NOL4: variants seen among roughly 807,000 people sequenced by gnomAD.
NOL4 encodes the protein nucleolar protein 4.
A neutral mutation model predicts 75.9 loss-of-function variants in NOL4; 17 were observed. The ratio of observed to expected loss-of-function variants is 0.22; its 90% CI spans 0.15 to 0.34. The LOEUF is 0.34. Ranked by LOEUF, NOL4 falls within the 10% of genes least tolerant of loss-of-function variation. The pLI is 1.00. For missense variants in NOL4, 614 were observed against 793.5 expected (o/e 0.77, Z 2.72); for synonymous variants, 292 against 289.9 (o/e 1.01, Z -0.07).
chr18:33,984,015 T>C (rs770960866), intron 6 of NOL4, among the ~76,000 whole-genome samples: 2 of 152,144 alleles, frequency 1.3e-5, no homozygotes, highest in Non-Finnish European at 2.9e-5. Flanking sequence ...AAAGAAATCA[T>C]TTGGGTTTCA....
intron 6 of NOL4, among the ~76,000 whole-genome samples, chr18:33,977,070 T>C (rs1407590406): frequency 6.6e-6 from 1 of 152,148 alleles, no homozygotes; most frequent in East Asian, 1.9e-4. Context: ...TTAATAATAA[T>C]AATATATACA....
At chr18:34,025,445 C>T (rs1382741791) in intron 5 of NOL4, among the ~76,000 whole-genome samples, 2 of 152,152 alleles carry the variant, frequency 1.3e-5, no homozygotes, top group African/African-American at 4.8e-5. Flanking sequence ...GTGCTGAAGT[C>T]ACTATCAGTT....
At chr18:34,211,546 C>T (rs1368433312) in intron 1 of NOL4, among the ~76,000 whole-genome samples, 2 of 152,202 alleles carry the variant, frequency 1.3e-5, no homozygotes, top group African/African-American at 4.8e-5. Flanking sequence ...ACCCTTCAGC[C>T]ATCTGGCAAC....
chr18:34,162,326 T>C (rs549411799), intron 1 of NOL4, among the ~76,000 whole-genome samples: 7 of 151,920 alleles, frequency 4.6e-5, no homozygotes, highest in African/African-American at 1.7e-4. Flanking sequence ...ATCAACAAAA[T>C]TGATAGACCG....
At chr18:33,972,855 G>A (rs914763631) in intron 6 of NOL4, among the ~76,000 whole-genome samples, 1 of 152,214 alleles carries the variant, frequency 6.6e-6, no homozygotes, top group East Asian at 1.9e-4. Flanking sequence ...GGACCCTTCA[G>A]TAAGTCATAA....
chr18:33,943,116 A>G lies in NOL4; in HGVS notation c.1491T>C (p.Cys497=). Reference sequence around the variant, plus strand: ...TGGCGGCATTTCTACTCTCACTCTCACAAGCTGAAGCCAAGATACTCTCTG... The same window carrying G: ...TGGCGGCATTTCTACTCTCACTCTCGCAAGCTGAAGCCAAGATACTCTCTG... ...AVAESILASA[C]ESESRNAAKR... Residue 497 remains cysteine (C), a synonymous_variant, in exon 9 of 11, where the codon TGT becomes TGC. Transcript: ENST00000261592. 1 of 1,611,446 alleles carries G rather than the reference A, an allele frequency of 6.2e-7. No homozygotes were observed. The highest frequency in any genetic ancestry group is 8.5e-7 in the Non-Finnish European group (1 of 1,178,602).
At chr18:34,119,994 A>C (rs552814500) in intron 2 of NOL4, among the ~76,000 whole-genome samples, 1 of 152,368 alleles carries the variant, frequency 6.6e-6, no homozygotes, top group South Asian at 2.1e-4. Flanking sequence ...CTAGATAAAC[A>C]TACAATATTG....
chr18:34,019,571 T>C lies in NOL4; in HGVS notation c.803A>G (p.Asn268Ser), dbSNP rs766202551. ...DDSAAESFNG[N>S]ETLGHSSIAS... ...AATTGAACTGTGCCCCAGAGTCTCA[T>C]TGCCATTAAAGCTCTCTGCAGCAGA... The change falls in exon 6 of 11, where the codon AAT (asparagine) becomes AGT (serine). Residue 268 changes from asparagine (N) to serine (S), a missense_variant. By Grantham distance (46) the Asn-to-Ser change is conservative. This residue lies in a region of NOL4 where 135 missense variants were observed against 220.4 expected (regional missense o/e 0.61). Transcript: ENST00000261592. 3.7e-6 allele frequency: 6 copies of C among 1,613,888 alleles called. No homozygotes were observed. Among genetic ancestry groups the C allele is most frequent in the African/African-American group, 1.3e-5 (1 of 75,028 alleles).
At chr18:34,103,924 A>T in intron 4 of NOL4, 123 bp downstream of exon 4, 1 of 642,834 alleles carries the variant, frequency 1.6e-6, no homozygotes, top group Non-Finnish European at 2.8e-6. Flanking sequence ...AACTGTGGTG[A>T]GATTCATTCA....
chr18:33,917,695 G>A (rs1017927782), intron 9 of NOL4, among the ~76,000 whole-genome samples: 1 of 151,782 alleles, frequency 6.6e-6, no homozygotes, highest in Non-Finnish European at 1.5e-5. Context: ...GTAGAGATGA[G>A]GTCTCGCTAT....
chr18:34,077,224 T>A (rs2077786874), intron 5 of NOL4, among the ~76,000 whole-genome samples: 1 of 151,936 alleles, frequency 6.6e-6, no homozygotes, highest in South Asian at 2.1e-4. Flanking sequence ...GGAAGGATCA[T>A]CTGAACCCCA....
chr18:34,179,776 T>C (rs565278066), intron 1 of NOL4, among the ~76,000 whole-genome samples: 1 of 151,754 alleles, frequency 6.6e-6, no homozygotes, highest in East Asian at 1.9e-4. Flanking sequence ...GAAGATACTC[T>C]CTGTGCACCA....
At chr18:34,046,607 C>CATATATATAGATATATATAT (rs2076378022) in intron 5 of NOL4, among the ~76,000 whole-genome samples, 1 of 81,658 alleles carries the variant, frequency 1.2e-5, no homozygotes, top group Non-Finnish European at 2.4e-5. Flanking sequence ...TTTACTTATA[C>CATATATATAGATATATATAT]ATATATATAT....
At chr18:34,009,648 C>T (rs535134937) in intron 6 of NOL4, among the ~76,000 whole-genome samples, 100 of 151,962 alleles carry the variant, frequency 6.6e-4, no homozygotes, top group Non-Finnish European at 1.3e-3. Flanking sequence ...AGTCACAGAG[C>T]TGATAAGTGT....
At chr18:34,063,802 A>C (rs980858620) in intron 5 of NOL4, among the ~76,000 whole-genome samples, 2 of 152,016 alleles carry the variant, frequency 1.3e-5, no homozygotes, top group Non-Finnish European at 2.9e-5. Context: ...ATAATTAATA[A>C]ATATATAAAC....
At chr18:33,915,753 A>T (rs1275767693) in intron 9 of NOL4, among the ~76,000 whole-genome samples, 2 of 152,176 alleles carry the variant, frequency 1.3e-5, no homozygotes, top group Non-Finnish European at 2.9e-5. Context: ...AACAACAGAA[A>T]TAAAGAAATT....
intron 6 of NOL4, among the ~76,000 whole-genome samples, chr18:33,958,756 G>T (rs2069861154): frequency 6.6e-6 from 1 of 152,074 alleles, no homozygotes; most frequent in South Asian, 2.1e-4. Flanking sequence ...AATCGATTTT[G>T]CAAGGGAATC....
intron 1 of NOL4, among the ~76,000 whole-genome samples, chr18:34,179,922 T>G (rs2146323008): frequency 6.6e-6 from 1 of 150,944 alleles, no homozygotes; most frequent in East Asian, 1.9e-4. Flanking sequence ...GCACCCCAAA[T>G]GGAGTAAGAC....
At chr18:34,201,159 G>T (rs1460994398) in intron 1 of NOL4, among the ~76,000 whole-genome samples, 1 of 151,554 alleles carries the variant, frequency 6.6e-6, no homozygotes, top group Non-Finnish European at 1.5e-5. Context: ...TATTCTGTTG[G>T]TTTTTTACAT....
Sources: gnomAD v4.1 joint callset for allele counts (sites outside exome capture counted in the v4.1 genomes callset) on GRCh38, gnomAD v4.1.1 for gene constraint, gnomAD v4.1.1 regional missense constraint, MANE v1.5 for transcripts, NCBI Gene and HGNC (gene_info 2026-07-23, HGNC 2026-07-21) for gene names.